The following DLG5 variants were observed in gnomAD, a reference collection of about 807,000 sequenced individuals.
DLG5 encodes discs large MAGUK scaffold protein 5.
In DLG5, 48 loss-of-function variants were observed where a neutral mutation model predicts 189.8. The observed-to-expected ratio is 0.25, with a 90% CI of 0.20 to 0.32. The LOEUF (loss-of-function observed/expected upper bound fraction) is 0.32, where lower values mean the gene tolerates loss of function less well. Among genes scored for constraint, DLG5 ranks in the 10% least tolerant of loss-of-function variants. DLG5 has a pLI of 1.00. For synonymous variants in DLG5, 1,016 were observed against 1,054.1 expected, an observed-to-expected ratio of 0.96 and a Z score of 0.70; for missense variants, 2,160 against 2,544.7, an observed-to-expected ratio of 0.85 and a Z score of 3.25.
chr10:77,881,468 CCT>C (rs1845279981), intron 1 of DLG5, among the ~76,000 whole-genome samples: 1 of 152,210 alleles, frequency 6.6e-6, no homozygotes, highest in South Asian at 2.1e-4. Context: ...GTTCCAGTCA[CCT>C]CTGTCACAGC....
intron 27 of DLG5, among the ~76,000 whole-genome samples, chr10:77,805,110 C>G (rs1419675855): frequency 1.3e-5 from 2 of 152,140 alleles, no homozygotes; most frequent in African/African-American, 4.8e-5. Context: ...GCTGGGATTA[C>G]AGGTGCATGC....
At chr10:77,856,170 C>T (rs77127063) in intron 3 of DLG5, among the ~76,000 whole-genome samples, 94 of 151,990 alleles carry the variant, frequency 6.2e-4, no homozygotes, top group African/African-American at 2.0e-3. Context: ...AAAAGAAAGA[C>T]CCTGCTGCTA....
At chr10:77,918,389 G>A (rs1846433765) in intron 1 of DLG5, among the ~76,000 whole-genome samples, 1 of 152,042 alleles carries the variant, frequency 6.6e-6, no homozygotes, top group Non-Finnish European at 1.5e-5. Flanking sequence ...TCCAGCCTAG[G>A]TGACAGAGTG....
chr10:77,805,302 C>A (rs1234777863), intron 27 of DLG5, among the ~76,000 whole-genome samples: 2 of 152,160 alleles, frequency 1.3e-5, no homozygotes, highest in Admixed American at 1.3e-4. Flanking sequence ...CTTGCACATG[C>A]AAGTGGACAA....
rs376974803 is a variant in DLG5, at chr10:77,835,637, C to G, written c.1622+101G>C. ...GGAGCCCAGGTCCCTCCCACTTTAC[C>G]TGGACATACAGTAAATGATTCCGAC... On this transcript the variant is annotated intron_variant, in intron 8 of 31. Transcript: ENST00000372391. 76 of 1,286,902 alleles carry G rather than the reference C, an allele frequency of 5.9e-5. 4 individuals are homozygous for G. Among genetic ancestry groups the G allele is most frequent in the East Asian group, 5.1e-4 (20 of 39,052 alleles). 79.7% of individuals were successfully genotyped at this position (1,286,902 alleles called of 1,614,324 possible).
chr10:77,808,475 T>C (rs981908519), intron 24 of DLG5, among the ~76,000 whole-genome samples: 13 of 152,210 alleles, frequency 8.5e-5, no homozygotes, highest in Admixed American at 8.5e-4. Flanking sequence ...TCTCACTATG[T>C]TGCCCAGGCC....
At chr10:77,876,683 G>GAAGA (rs1564569617) in intron 1 of DLG5, among the ~76,000 whole-genome samples, 2 of 97,356 alleles carry the variant, frequency 2.1e-5, no homozygotes, top group South Asian at 4.4e-4. Flanking sequence ...TTTTTTCTAA[G>GAAGA]AGGAAGGAAG....
intron 17 of DLG5, 93 bp downstream of exon 17, chr10:77,819,228 T>C: frequency 6.3e-7 from 1 of 1,585,190 alleles, no homozygotes; most frequent in East Asian, 2.2e-5. Flanking sequence ...AGGAAGCTTC[T>C]CCACCAATGA....
In DLG5 at chr10:77,911,607, G is replaced by A. The variant is rs376786083; in HGVS notation, c.304+14610C>T. The stretch of plus-strand genomic sequence containing the variant: ...GGACTCAGGGGTCATCTTAGAGCCA[G>A]GGAGGTACCATTCAGACAAGCAAAC... On this transcript the variant is annotated intron_variant, in intron 1 of 31. Coordinates refer to ENST00000372391, the MANE Select transcript of DLG5 (RefSeq NM_004747.4). Among the ~76,000 whole-genome samples, 12 of 152,212 alleles carry A rather than the reference G, an allele frequency of 7.9e-5. No homozygotes were observed. The South Asian group carries it at 2.5e-3, about 32-fold the overall frequency.
rs764567202 is a variant in DLG5, at chr10:77,821,633, T to C, written c.2851A>G (p.Met951Val). The change falls in exon 15 of 32, where the codon ATG becomes GTG. Residue 951 changes from methionine (M) to valine (V), a missense_variant. Physicochemically the swap from Met to Val is conservative, Grantham distance 21 (BLOSUM62 1). Coordinates refer to ENST00000372391, the MANE Select transcript of DLG5 (RefSeq NM_004747.4). Reference protein sequence around the residue: ...SNSGGTWPKAMLSSTAVPEKL... With the variant: ...SNSGGTWPKAVLSSTAVPEKL... ...TCAGGCACTGCCGTGGAGCTGAGCA[T>C]GGCCTTGGGCCAGGTCCCGCCGCTG... 4 of 1,612,908 alleles carry C rather than the reference T, an allele frequency of 2.5e-6. No individual in the cohort carries two copies. Among genetic ancestry groups the C allele is most frequent in the East Asian group, 2.2e-5 (1 of 44,872 alleles).
rs550776601 is a variant in DLG5 at position 77,869,034 on chromosome 10, G to A, written c.373+95C>T. On this transcript the variant is annotated intron_variant, in intron 2 of 31. Coordinates refer to ENST00000372391, the MANE Select transcript of DLG5 (RefSeq NM_004747.4). ...ATGATCCTGTGAGTAATCTGACAAG[G>A]GAGAACCAGCTTCCTCTCCCATGAA... The A allele has an allele frequency of 4.0e-6, 4 of 993,650 alleles. No individual in the cohort carries two copies. In the Admixed American group the frequency reaches 6.2e-5, roughly 15 times the overall value. 61.6% of individuals were successfully genotyped at this position (993,650 alleles called of 1,614,324 possible). A position where few individuals can be genotyped will look rare whatever the true frequency, so the allele number is the denominator to read the frequency against.
intron 1 of DLG5, among the ~76,000 whole-genome samples, chr10:77,870,662 GCAA>G (rs1468231684): frequency 6.6e-6 from 1 of 151,938 alleles, no homozygotes; most frequent in Non-Finnish European, 1.5e-5. Context: ...TTCAGCCTGG[GCAA>G]CAAAGTGAGA....
chr10:77,853,259 T>A (rs148454143), intron 5 of DLG5, 95 bp downstream of exon 5: 23,312 of 1,217,372 alleles, frequency 0.019, 258 homozygotes, highest in Non-Finnish European at 0.023. Flanking sequence ...TGAGCCAACG[T>A]GCCCGGCCCA....
intron 31 of DLG5, chr10:77,793,768 A>G: frequency 1.8e-6 from 1 of 552,810 alleles, no homozygotes; most frequent in East Asian, 3.2e-5. Flanking sequence ...TGTGAAAATG[A>G]GCAGGCAAGC....
intron 1 of DLG5, among the ~76,000 whole-genome samples, chr10:77,891,743 A>G (rs1387954681): frequency 1.3e-5 from 2 of 152,198 alleles, no homozygotes; most frequent in South Asian, 2.1e-4. Flanking sequence ...GCAGCCCCTC[A>G]GCACTTCATC....
chr10:77,934,864 T>G, the DLG5 span, among the ~76,000 whole-genome samples: 16 of 150,506 alleles, frequency 1.1e-4, no homozygotes, highest in East Asian at 2.1e-3. Context: ...TTTTTTGTTT[T>G]TTTTTTTTTT....
intron 1 of DLG5, among the ~76,000 whole-genome samples, chr10:77,871,469 A>G (rs917561396): frequency 1.0e-4 from 15 of 150,578 alleles, no homozygotes; most frequent in Non-Finnish European, 4.4e-5. Flanking sequence ...TCCAACCCAC[A>G]CTATTAGTTT....
At chr10:77,823,099 T>C (rs368459934) in intron 14 of DLG5, among the ~76,000 whole-genome samples, 1 of 152,220 alleles carries the variant, frequency 6.6e-6, no homozygotes, top group East Asian at 1.9e-4. Context: ...TCACTAATTA[T>C]AACGCATGTA....
intron 14 of DLG5, among the ~76,000 whole-genome samples, chr10:77,822,641 T>TCAAAAAGAAGGAAATTAC (rs1158280863): frequency 6.6e-6 from 1 of 152,156 alleles, no homozygotes; most frequent in Non-Finnish European, 1.5e-5. Context: ...AGACTCTGTC[T>TCAAAAAGAAGGAAATTAC]CAAAAAGAAG....
Sources: gnomAD v4.1 joint callset for allele counts (sites outside exome capture counted in the v4.1 genomes callset) on GRCh38, gnomAD v4.1.1 for gene constraint, MANE v1.5 for transcripts, NCBI Gene and HGNC (gene_info 2026-07-23, HGNC 2026-07-21) for gene names.